Variants in NAV3 observed in about 807,000 individuals in gnomAD.
NAV3 encodes the protein neuron navigator 3, also known as pore membrane and/or filament interacting like protein 1.
NAV3 carries 87 observed loss-of-function variants against 244.7 expected under a neutral mutation model. That is an observed-to-expected ratio of 0.36 (90% CI 0.30 to 0.42). The LOEUF is 0.42. Ranked by LOEUF, NAV3 falls within the 20% of genes least tolerant of loss-of-function variation. The pLI is 1.00. For synonymous variants in NAV3, 1,126 were observed against 1,042.2 expected (o/e 1.08, Z -1.55); for missense variants, 2,663 against 2,893.3 (o/e 0.92, Z 1.83).
intron 5 of NAV3, among the ~76,000 whole-genome samples, chr12:77,982,820 T>A (rs1732717658): frequency 1.3e-5 from 2 of 152,178 alleles, no homozygotes; most frequent in African/African-American, 4.8e-5. Context: ...AAGAATCCAC[T>A]TCCAAGATGA....
At chr12:77,829,382 C>A (rs1273952629), upstream of NAV3, among the ~76,000 whole-genome samples, 1 of 152,152 alleles carries the variant, frequency 6.6e-6, no homozygotes, top group South Asian at 2.1e-4. Context: ...AATATACTCC[C>A]AAAGTTGCAT....
intron 8 of NAV3, among the ~76,000 whole-genome samples, chr12:78,008,336 G>T (rs191944195): frequency 2.0e-5 from 3 of 151,810 alleles, no homozygotes; most frequent in African/African-American, 7.2e-5. Flanking sequence ...TTTAAAATAT[G>T]CATCCTACCA....
At chr12:77,713,683 T>C (rs1592609159) in intron 2 of NAV3, among the ~76,000 whole-genome samples, 1 of 152,134 alleles carries the variant, frequency 6.6e-6, no homozygotes, top group Non-Finnish European at 1.5e-5. Flanking sequence ...GTTTCCCCTA[T>C]TGCACCCTTG....
intron 2 of NAV3, among the ~76,000 whole-genome samples, chr12:77,707,933 A>G (rs1452243859): frequency 6.6e-6 from 1 of 150,788 alleles, no homozygotes; most frequent in Non-Finnish European, 1.5e-5. Context: ...AATTTGTTTG[A>G]GTTCTTTGTA....
intron 12 of NAV3, among the ~76,000 whole-genome samples, chr12:78,077,151 A>G (rs12579647): frequency 0.13 from 19,756 of 152,084 alleles, 1,348 homozygotes; most frequent in Non-Finnish European, 0.16. Flanking sequence ...TTTTTTTCAT[A>G]TTCTTCATTT....
chr12:77,792,042 G>T (rs2135945725), intron 2 of NAV3, among the ~76,000 whole-genome samples: 1 of 152,314 alleles, frequency 6.6e-6, no homozygotes, highest in African/African-American at 2.4e-5. Context: ...CTAAAAGCCT[G>T]TTAAATACAA....
chr12:77,912,134 A>C (rs1470808231), intron 1 of NAV3, among the ~76,000 whole-genome samples: 4 of 152,158 alleles, frequency 2.6e-5, no homozygotes, highest in Non-Finnish European at 5.9e-5. Context: ...ACCAAAAAAG[A>C]TGTGTTGAAA....
At chr12:77,994,933 T>C (rs987355918) in intron 6 of NAV3, 62 bp downstream of exon 6, 2 of 1,234,420 alleles carry the variant, frequency 1.6e-6, no homozygotes, top group Non-Finnish European at 1.2e-6. Flanking sequence ...CCCAGTGATA[T>C]TTTGTCCTAT....
chr12:78,113,623 C>G (rs1189790215), intron 12 of NAV3, among the ~76,000 whole-genome samples: 1 of 152,146 alleles, frequency 6.6e-6, no homozygotes, highest in African/African-American at 2.4e-5. Context: ...ATGGTGCATA[C>G]AGCAGGGGGG....
chr12:77,596,765 G>A (rs1486337833), intron 2 of NAV3, among the ~76,000 whole-genome samples: 2 of 152,032 alleles, frequency 1.3e-5, no homozygotes, highest in South Asian at 2.1e-4. Context: ...ATTAACTATC[G>A]AAGGAGTGGG....
intron 1 of NAV3, among the ~76,000 whole-genome samples, chr12:77,868,299 A>T (rs1880394003): frequency 6.6e-6 from 1 of 152,074 alleles, no homozygotes; most frequent in African/African-American, 2.4e-5. Context: ...AATGTTACTT[A>T]ATATATATTA....
intron 20 of NAV3, chr12:78,143,417 G>A (rs1395215166): frequency 4.6e-6 from 2 of 439,454 alleles, no homozygotes; most frequent in Non-Finnish European, 4.6e-6. Flanking sequence ...GATCACTTGA[G>A]GTCAGGAGTT....
intron 2 of NAV3, among the ~76,000 whole-genome samples, chr12:77,592,404 T>C (rs1214556496): frequency 1.3e-5 from 2 of 152,184 alleles, no homozygotes; most frequent in African/African-American, 4.8e-5. Flanking sequence ...AATAGGAGAA[T>C]GGTCATTCTT....
chr12:78,160,406 T>TTC (rs1555184850), intron 23 of NAV3, among the ~76,000 whole-genome samples: 1 of 138,820 alleles, frequency 7.2e-6, no homozygotes, highest in Non-Finnish European at 1.6e-5. Flanking sequence ...TGTGCGTGCG[T>TTC]GTGTGTGTGT....
chr12:77,716,101 G>A (rs1446911663), intron 2 of NAV3, among the ~76,000 whole-genome samples: 4 of 151,976 alleles, frequency 2.6e-5, no homozygotes, highest in Non-Finnish European at 4.4e-5. Flanking sequence ...ATACTCCTAA[G>A]ATGAAATTTA....
chr12:78,145,198 C>A (rs183828924), intron 20 of NAV3: 179 of 164,380 alleles, frequency 1.1e-3, no homozygotes, highest in African/African-American at 3.6e-3. Context: ...CTTTTTAAAA[C>A]AGTTTTCTTA....
intron 12 of NAV3, among the ~76,000 whole-genome samples, chr12:78,071,726 A>T (rs1205655463): frequency 6.6e-6 from 1 of 152,130 alleles, no homozygotes; most frequent in African/African-American, 2.4e-5. Context: ...TTTATTAAAT[A>T]AGGAATCCTT....
intron 2 of NAV3, among the ~76,000 whole-genome samples, chr12:77,651,459 A>T (rs1872819504): frequency 6.6e-6 from 1 of 152,110 alleles, no homozygotes; most frequent in African/African-American, 2.4e-5. Flanking sequence ...TATATGAATG[A>T]TGATTGGAAT....
intron 2 of NAV3, among the ~76,000 whole-genome samples, chr12:77,686,340 G>T (rs1022011316): frequency 2.6e-5 from 4 of 151,574 alleles, no homozygotes; most frequent in Non-Finnish European, 5.9e-5. Context: ...TGATCTGCTT[G>T]CATCAGCCTC....
Sources: allele counts gnomAD v4.1 joint callset (sites outside exome capture counted in the v4.1 genomes callset), GRCh38; gene constraint gnomAD v4.1.1; transcripts MANE v1.5; gene names NCBI Gene and HGNC (gene_info 2026-07-23, HGNC 2026-07-21).